The following SLC26A4 variants were observed in gnomAD, a reference collection of about 807,000 sequenced individuals.
SLC26A4 encodes the protein solute carrier family 26 member 4.
In SLC26A4, 93 loss-of-function variants were observed where a neutral mutation model predicts 90.4. The observed-to-expected ratio is 1.03, with a 90% confidence interval of 0.87 to 1.22. SLC26A4 has a LOEUF of 1.22. Ranked by LOEUF, SLC26A4 falls within the 50% of genes most tolerant of loss-of-function variation. The probability of loss-of-function intolerance (pLI) is 0.00; values close to 1 mark genes in which losing one functional copy is unlikely to be tolerated. For synonymous variants in SLC26A4, 393 were observed against 354.6 expected (o/e 1.11, Z -1.22); for missense variants, 1,127 against 946.2 (o/e 1.19, Z -2.51).
In SLC26A4 at chr7:107,688,999, G is replaced by GA. The variant is rs1276353353; in HGVS notation, c.1002-49dup. 1.9e-6 allele frequency: 3 copies of GA among 1,599,092 alleles called. No homozygotes were observed. The African/African-American group carries it at 4.0e-5, about 21-fold the overall frequency. The stretch of plus-strand genomic sequence containing the variant: ...CAGATATAGCATTTGATGAGATGGG[G>GA]AAAAAGGATGGTGGTCAAATCTTCA... On this transcript the variant is annotated intron_variant, in intron 8 of 20. Coordinates refer to ENST00000644269, the MANE Select transcript of SLC26A4 (RefSeq NM_000441.2).
At chr7:107,679,530 T>G (rs1487389563) in intron 6 of SLC26A4, among the ~76,000 whole-genome samples, 1 of 152,044 alleles carries the variant, frequency 6.6e-6, no homozygotes, top group African/African-American at 2.4e-5. Context: ...TCTTACGGTT[T>G]CATAAACACA....
chr7:107,692,129 T>C, intron 10 of SLC26A4: 10 of 1,267,630 alleles, frequency 7.9e-6, no homozygotes, highest in Non-Finnish European at 1.0e-5. Context: ...TGGGGGATAA[T>C]GGTGCTCTGG....
chr7:107,680,062 C>A (rs1192313435), intron 6 of SLC26A4, among the ~76,000 whole-genome samples: 1 of 126,084 alleles, frequency 7.9e-6, no homozygotes, highest in Non-Finnish European at 1.6e-5. Flanking sequence ...ATAATATAAT[C>A]TTATTATATA....
chr7:107,678,170 T>C (rs1378996041), intron 6 of SLC26A4, among the ~76,000 whole-genome samples: 1 of 152,208 alleles, frequency 6.6e-6, no homozygotes, highest in Admixed American at 6.5e-5. Flanking sequence ...TTTTACTTAC[T>C]TTTACATTTT....
rs139322174 is a variant in SLC26A4, at chr7:107,709,661, G to A, written c.2090-393G>A. 2.0e-5 allele frequency among the ~76,000 whole-genome samples: 3 copies of A among 152,234 alleles called. No individual in the cohort carries two copies. In the East Asian group the frequency reaches 5.8e-4, roughly 29 times the overall value. ...AGCAGGAGGATGGATACACTGGCTTGGCCAAAGGGACGTGATCGTCCACAA... is the reference window on the plus strand; with the variant it reads ...AGCAGGAGGATGGATACACTGGCTTAGCCAAAGGGACGTGATCGTCCACAA... On this transcript the variant is annotated intron_variant, in intron 18 of 20. Transcript: ENST00000644269.
intron 10 of SLC26A4, among the ~76,000 whole-genome samples, chr7:107,692,674 C>A (rs1791606636): frequency 6.6e-6 from 1 of 152,138 alleles, no homozygotes; most frequent in Admixed American, 6.5e-5. Flanking sequence ...GGAACCTTTT[C>A]TTTCCCTCAC....
chr7:107,696,462 G>A (rs1291704549), intron 13 of SLC26A4, among the ~76,000 whole-genome samples: 2 of 152,178 alleles, frequency 1.3e-5, no homozygotes, highest in African/African-American at 4.8e-5. Context: ...AATGTAAGGC[G>A]CTCGGCCCCA....
chr7:107,675,280 T>G (rs1473158268), intron 6 of SLC26A4, among the ~76,000 whole-genome samples, 171 bp downstream of exon 6: 1 of 77,276 alleles, frequency 1.3e-5, no homozygotes, highest in African/African-American at 6.4e-5. Flanking sequence ...TGAGACCTCA[T>G]CTCTTAAAAA....
intron 10 of SLC26A4, chr7:107,693,541 CTT>C: frequency 1.0e-6 from 1 of 985,104 alleles, no homozygotes. Flanking sequence ...TCCTTTTCTT[CTT>C]TGTTTCAGAG....
In SLC26A4 at chr7:107,661,681, C is replaced by A; in HGVS notation, c.40C>A (p.Pro14Thr). 5 of 1,572,776 alleles carry A rather than the reference C, an allele frequency of 3.2e-6. No homozygotes were observed. The highest frequency in any genetic ancestry group is 3.4e-6 in the Non-Finnish European group (4 of 1,163,906). ...CGGCAGGTCGGAGCCGCCGCAGCTC[C>A]CCGAGTACAGCTGCAGCTACATGGT... ...PGGRSEPPQL[P>T]EYSCSYMVSR... Residue 14 changes from proline to threonine, a missense_variant, in exon 2 of 21, where the codon CCC becomes ACC. Physicochemically the swap from Pro to Thr is conservative, Grantham distance 38. Coordinates refer to ENST00000644269, the MANE Select transcript of SLC26A4 (RefSeq NM_000441.2). This position sits in a 1 kb window ranked among gnomAD's most constrained non-coding sequence, Gnocchi z 5.1.
intron 20 of SLC26A4, among the ~76,000 whole-genome samples, chr7:107,714,191 G>A (rs952270270): frequency 1.3e-5 from 2 of 152,004 alleles, no homozygotes; most frequent in African/African-American, 4.8e-5. Flanking sequence ...CTCCCAGATT[G>A]CTGGGATTAC....
intron 3 of SLC26A4, among the ~76,000 whole-genome samples, chr7:107,666,231 TA>T (rs1256797758): frequency 1.8e-4 from 27 of 152,328 alleles, no homozygotes. Flanking sequence ...TTTATTTTTA[TA>T]TTTTTTTGAG....
intron 8 of SLC26A4, among the ~76,000 whole-genome samples, chr7:107,684,872 T>A (rs887979168): frequency 3.9e-5 from 6 of 152,178 alleles, no homozygotes; most frequent in Non-Finnish European, 5.9e-5. Flanking sequence ...CTTCCTAGGA[T>A]GTATCAAGTT....
intron 20 of SLC26A4, among the ~76,000 whole-genome samples, chr7:107,713,203 T>C (rs1792240615): frequency 6.6e-6 from 1 of 152,202 alleles, no homozygotes; most frequent in Admixed American, 6.5e-5. Context: ...CACAGAATTG[T>C]AAAAAGTTGA....
intron 9 of SLC26A4, among the ~76,000 whole-genome samples, chr7:107,689,835 C>A (rs1040589441): frequency 6.6e-6 from 1 of 152,170 alleles, no homozygotes; most frequent in Non-Finnish European, 1.5e-5. Flanking sequence ...GTGAGAGCTG[C>A]AGACATTCCA....
At chr7:107,681,643 C>T (rs750027339) in intron 6 of SLC26A4, among the ~76,000 whole-genome samples, 4 of 152,156 alleles carry the variant, frequency 2.6e-5, no homozygotes, top group Non-Finnish European at 5.9e-5. Flanking sequence ...CTGCCTTCTA[C>T]AGGACTGAAG....
chr7:107,662,696 T>A (rs1336808309), intron 2 of SLC26A4, among the ~76,000 whole-genome samples: 2 of 152,240 alleles, frequency 1.3e-5, no homozygotes, highest in South Asian at 2.1e-4. Flanking sequence ...TGAGTCATTA[T>A]TAAAATGTCC....
rs1225686055 is a variant in SLC26A4, at chr7:107,694,448, G to A, written c.1309G>A (p.Ala437Thr). The change falls in exon 11 of 21, where the codon GCC (alanine) becomes ACC (threonine). Residue 437 changes from alanine to threonine, a missense_variant. Ala to Thr is a moderately conservative substitution (Grantham distance 58, BLOSUM62 0). Coordinates refer to ENST00000644269, the MANE Select transcript of SLC26A4 (RefSeq NM_000441.2). ...TGCGATTGTGATGATCGCCATTCTT[G>A]CCCTGGGGAAGCTTCTGGAACCCTT... ...SAAIVMIAIL[A>T]LGKLLEPLQK... The A allele has an allele frequency of 6.2e-7, 1 of 1,613,600 alleles. No homozygotes were observed. Among genetic ancestry groups the A allele is most frequent in the Non-Finnish European group, 8.5e-7 (1 of 1,179,740 alleles).
chr7:107,674,234 C>T lies in SLC26A4; in HGVS notation c.486C>T (p.Leu162=), dbSNP rs370020280. Residue 162 remains leucine (L), a synonymous_variant, in exon 5 of 21, where the codon CTC becomes CTT. Transcript: ENST00000644269. ...VLSMAPDEHF[L]VSSSNGTVLN... ...GCATGGCCCCCGACGAACACTTTCT[C>T]GTATCCAGCAGCAATGGAACTGTAT... 31 of 1,614,036 alleles carry T rather than the reference C, an allele frequency of 1.9e-5. No homozygotes were observed. In the Middle Eastern group the frequency reaches 6.6e-4, roughly 34 times the overall value.
Sources: gnomAD v4.1 joint callset for allele counts (sites outside exome capture counted in the v4.1 genomes callset) on GRCh38, gnomAD v4.1.1 for gene constraint, Gnocchi (gnomAD v3.1) non-coding constraint, MANE v1.5 for transcripts, NCBI Gene and HGNC (gene_info 2026-07-23, HGNC 2026-07-21) for gene names.